SLC35A3: variants seen among roughly 807,000 people sequenced by gnomAD.
SLC35A3 encodes UDP-N-acetylglucosamine transporter.
SLC35A3 carries 26 observed loss-of-function variants against 39.0 expected under a neutral mutation model. The observed-to-expected ratio is 0.67, with a 90% confidence interval of 0.49 to 0.92. SLC35A3 has a LOEUF of 0.92. Ranked by LOEUF, SLC35A3 falls within the 40% of genes least tolerant of loss-of-function variation. The pLI is 0.00. For missense variants in SLC35A3, 299 were observed against 371.6 expected (o/e 0.80, Z 1.61); for synonymous variants, 135 against 133.1 (o/e 1.01, Z -0.10).
chr1:99,973,434 G>T (rs1330949729), intron 1 of SLC35A3, among the ~76,000 whole-genome samples: 1 of 152,184 alleles, frequency 6.6e-6, no homozygotes, highest in Non-Finnish European at 1.5e-5. Flanking sequence ...TAATGAAGGA[G>T]TGTAGTGGTT....
chr1:99,975,561 C>T (rs1018339034), intron 1 of SLC35A3, among the ~76,000 whole-genome samples: 2 of 152,026 alleles, frequency 1.3e-5, no homozygotes, highest in Non-Finnish European at 2.9e-5. Flanking sequence ...ATGTTGAGTC[C>T]TGTAAGATAT....
At chr1:99,999,981 T>C (rs1281172848) in intron 3 of SLC35A3, among the ~76,000 whole-genome samples, 1 of 152,160 alleles carries the variant, frequency 6.6e-6, no homozygotes, top group Non-Finnish European at 1.5e-5. Flanking sequence ...ATTTATCCAT[T>C]GATGGACACT....
chr1:100,033,558 G>A lies in SLC35A3; in HGVS notation c.*11082G>A, dbSNP rs937417402. 6.6e-6 allele frequency: 1 copy of A among 151,878 alleles called. No individual in the cohort carries two copies. Among genetic ancestry groups the A allele is most frequent in the Non-Finnish European group, 1.5e-5 (1 of 67,964 alleles). The allele number at this position is 151,878 out of a possible 1,614,324, so 9.4% of individuals were successfully genotyped here. A position where few individuals can be genotyped will look rare whatever the true frequency, so the allele number is the denominator to read the frequency against. ...ATGGGGTCTTTATAAAATTTCTTTG[G>A]ATGTTTAGAAAGGTTTGTATGCTCT... On this transcript the variant is annotated 3_prime_UTR_variant, in exon 8 of 8. Transcript: ENST00000533028.
intron 2 of SLC35A3, among the ~76,000 whole-genome samples, chr1:99,997,397 TTTATATATAG>T (rs1557832650): frequency 6.0e-5 from 7 of 117,188 alleles, no homozygotes; most frequent in Non-Finnish European, 1.1e-4. Flanking sequence ...AGTTATATGT[TTTATATATAG>T]TTTTATATAT....
chr1:99,978,976 G>A (rs914989366), intron 1 of SLC35A3: 3 of 152,128 alleles, frequency 2.0e-5, no homozygotes, highest in East Asian at 1.9e-4. Flanking sequence ...AAGTTCGAAC[G>A]TTATGGAGAA....
rs2101516103 is a variant in SLC35A3 at position 100,024,240 on chromosome 1, ATTAC to A, written c.*1770_*1773del. On this transcript the variant is annotated 3_prime_UTR_variant, in exon 8 of 8. Transcript: ENST00000533028. Reference sequence around the variant, plus strand: ...AATTTAATTATTAACTATAGACAGAATTACTTACTGAGTATAAGAAGTATTTTAC... The same window carrying A: ...AATTTAATTATTAACTATAGACAGAATTACTGAGTATAAGAAGTATTTTAC... The A allele has an allele frequency of 6.6e-6, 1 of 152,130 alleles. No homozygotes were observed. Among genetic ancestry groups the A allele is most frequent in the Admixed American group, 6.5e-5 (1 of 15,288 alleles). 9.4% of individuals were successfully genotyped at this position (152,130 alleles called of 1,614,324 possible). A position where few individuals can be genotyped will look rare whatever the true frequency, so the allele number is the denominator to read the frequency against.
chr1:100,021,553 G>A (rs1410850307), intron 7 of SLC35A3, among the ~76,000 whole-genome samples: 1 of 151,686 alleles, frequency 6.6e-6, no homozygotes, highest in Non-Finnish European at 1.5e-5. Context: ...TGCACCTGTG[G>A]TCTCAGCTAC....
intron 3 of SLC35A3, among the ~76,000 whole-genome samples, chr1:100,000,150 C>T (rs751029666): frequency 3.3e-5 from 5 of 152,226 alleles, no homozygotes; most frequent in Middle Eastern, 3.4e-3. Context: ...TTTGAGAATG[C>T]TTTGTACTGT....
chr1:100,012,998 A>T (rs1477176134), intron 5 of SLC35A3, among the ~76,000 whole-genome samples: 1 of 152,194 alleles, frequency 6.6e-6, no homozygotes, highest in Non-Finnish European at 1.5e-5. Flanking sequence ...ATAGTGTTGT[A>T]TGTGAGTTAA....
At chr1:100,021,122 G>A (rs1313548078) in intron 7 of SLC35A3, among the ~76,000 whole-genome samples, 1 of 152,056 alleles carries the variant, frequency 6.6e-6, no homozygotes, top group Non-Finnish European at 1.5e-5. Flanking sequence ...TTGCACTTTG[G>A]GAGGCGGAGG....
intron 2 of SLC35A3, among the ~76,000 whole-genome samples, chr1:99,998,586 A>G (rs1658556838): frequency 1.3e-5 from 2 of 152,198 alleles, no homozygotes; most frequent in African/African-American, 4.8e-5. Context: ...ACCCTTTGCA[A>G]CTTGCTTGGT....
intron 1 of SLC35A3, among the ~76,000 whole-genome samples, chr1:99,990,521 C>G (rs1658020250): frequency 6.6e-6 from 1 of 152,174 alleles, no homozygotes; most frequent in African/African-American, 2.4e-5. Context: ...TTGCAGTGAG[C>G]TGAGATCATA....
rs1379047202 is a variant in SLC35A3, at chr1:100,022,653, A to G, written c.*177A>G. ...ATATGTAACAAAACACATTGCATCT[A>G]GAAATCAAAACTTGAAAGTATTTCC... On this transcript the variant is annotated 3_prime_UTR_variant, in exon 8 of 8. Transcript: ENST00000533028. 3 of 396,808 alleles carry G rather than the reference A, an allele frequency of 7.6e-6. No individual in the cohort carries two copies. Among genetic ancestry groups the G allele is most frequent in the Non-Finnish European group, 1.4e-5 (3 of 221,724 alleles). The allele number at this position is 396,808 out of a possible 1,614,324, so 24.6% of individuals were successfully genotyped here.
In SLC35A3 at chr1:100,015,371, G is replaced by T. The variant is rs961920977; in HGVS notation, c.704G>T (p.Gly235Val). The T allele has an allele frequency of 1.4e-5, 22 of 1,613,094 alleles. No individual in the cohort carries two copies. Among genetic ancestry groups the T allele is most frequent in the Non-Finnish European group, 1.8e-5 (21 of 1,179,700 alleles). ...GATGGAGAACTGGTATCAAAGAATG[G>T]ATTTTTTCAGGGATATAACCGACTG... ...IYDGELVSKNGFFQGYNRLTW... is the reference protein window; with the variant it reads ...IYDGELVSKNVFFQGYNRLTW... Residue 235 changes from glycine (G) to valine (V), a missense_variant, in exon 6 of 8, where the codon GGA (glycine) becomes GTA (valine). Coordinates refer to ENST00000533028, the MANE Select transcript of SLC35A3 (RefSeq NM_012243.3).
At chr1:99,996,388 G>A (rs1230957363) in intron 2 of SLC35A3, among the ~76,000 whole-genome samples, 3 of 152,078 alleles carry the variant, frequency 2.0e-5, no homozygotes, top group African/African-American at 7.2e-5. Context: ...AGAAAAGGGG[G>A]CAAAGGATAT....
At chr1:99,997,429 T>TATATAC (rs1325979130) in intron 2 of SLC35A3, among the ~76,000 whole-genome samples, 1 of 39,662 alleles carries the variant, frequency 2.5e-5, no homozygotes, top group East Asian at 8.3e-4. Context: ...TATATATATA[T>TATATAC]ATATATATAT....
rs1661252665 is a variant in SLC35A3, at chr1:100,031,661, A to G, written c.*9185A>G. ...TTTTCCATCTGCATTTGGCTGAAAA[A>G]AAATCTGCATATAAGTGGACCCATG... On this transcript the variant is annotated 3_prime_UTR_variant, in exon 8 of 8. Coordinates refer to ENST00000533028, the MANE Select transcript of SLC35A3 (RefSeq NM_012243.3). 6.6e-6 allele frequency: 1 copy of G among 152,184 alleles called. No individual in the cohort carries two copies. 9.4% of individuals were successfully genotyped at this position (152,184 alleles called of 1,614,324 possible). A position where few individuals can be genotyped will look rare whatever the true frequency, so the allele number is the denominator to read the frequency against.
intron 1 of SLC35A3, chr1:99,970,493 G>A: frequency 7.1e-7 from 1 of 1,413,250 alleles, no homozygotes; most frequent in Non-Finnish European, 9.6e-7. Flanking sequence ...AGCTAGTGAC[G>A]GGTGGGCCCG....
chr1:100,031,765 G>A lies in SLC35A3; in HGVS notation c.*9289G>A, dbSNP rs1031356090. 2.6e-5 allele frequency: 4 copies of A among 152,014 alleles called. No homozygotes were observed. The highest frequency in any genetic ancestry group is 9.7e-5 in the African/African-American group (4 of 41,368). 9.4% of individuals were successfully genotyped at this position (152,014 alleles called of 1,614,324 possible). On this transcript the variant is annotated 3_prime_UTR_variant, in exon 8 of 8. Coordinates refer to ENST00000533028, the MANE Select transcript of SLC35A3 (RefSeq NM_012243.3). ...GATTTTTTATAGCTTTTTTGTTTTG[G>A]AACGAGGGTAAAATCAAGGTTAATG...
Sources: gnomAD v4.1 joint callset for allele counts (sites outside exome capture counted in the v4.1 genomes callset) on GRCh38, gnomAD v4.1.1 for gene constraint, MANE v1.5 for transcripts, NCBI Gene and HGNC (gene_info 2026-07-23, HGNC 2026-07-21) for gene names.